CNTNAP5: variants seen among roughly 807,000 people sequenced by gnomAD.
The protein encoded by CNTNAP5 is contactin associated protein family member 5.
A neutral mutation model predicts 150.2 loss-of-function variants in CNTNAP5; 72 were observed. The observed-to-expected ratio is 0.48, with a 90% CI of 0.40 to 0.58. The LOEUF is 0.58. CNTNAP5 is among the 20% of genes least tolerant of loss of function. The probability of loss-of-function intolerance (pLI) is 0.00; values close to 1 mark genes in which losing one functional copy is unlikely to be tolerated. For missense variants in CNTNAP5, 1,636 were observed against 1,626.2 expected, an observed-to-expected ratio of 1.01 and a Z score of -0.10; for synonymous variants, 672 against 619.8, an observed-to-expected ratio of 1.08 and a Z score of -1.25.
chr2:124,118,956 G>A (rs757029426), intron 1 of CNTNAP5, among the ~76,000 whole-genome samples: 1 of 152,126 alleles, frequency 6.6e-6, no homozygotes, highest in Non-Finnish European at 1.5e-5. Context: ...CCTGGGAGGA[G>A]GCAGAGTGTC....
At chr2:124,401,422 A>G (rs1289372225) in intron 3 of CNTNAP5, among the ~76,000 whole-genome samples, 1 of 152,204 alleles carries the variant, frequency 6.6e-6, no homozygotes, top group Non-Finnish European at 1.5e-5. Flanking sequence ...ATCTTCTAGT[A>G]CTAAGTGGCT....
intron 1 of CNTNAP5, among the ~76,000 whole-genome samples, chr2:124,052,786 T>C (rs1681734575): frequency 6.6e-6 from 1 of 152,224 alleles, no homozygotes; most frequent in Non-Finnish European, 1.5e-5. Flanking sequence ...AGCCCTCCTT[T>C]GCAGCTCTGA....
Position 124,791,693 on chromosome 2 carries a change from CTTTT to C in CNTNAP5, c.2992+1568_2992+1571del, listed in dbSNP as rs538796535. 5.8e-3 allele frequency among the ~76,000 whole-genome samples: 670 copies of C among 115,370 alleles called. 8 individuals carry two copies. Among genetic ancestry groups the C allele is most frequent in the African/African-American group, 0.02 (632 of 30,858 alleles). The allele number at this position is 115,370 out of a possible 152,430, so 75.7% of individuals were successfully genotyped here. On this transcript the variant is annotated intron_variant, in intron 18 of 23. Transcript: ENST00000682447. ...TATTGTTCTAAATGTAGCCTAATTT[CTTTT>C]TTTTTTTTTTTTTTTGGCTCCTTTC...
intron 3 of CNTNAP5, among the ~76,000 whole-genome samples, chr2:124,411,357 T>A (rs374671712): frequency 4.0e-4 from 61 of 151,938 alleles, no homozygotes; most frequent in African/African-American, 7.0e-4. Context: ...AAAAAGAGGG[T>A]ATCCTCCCTA....
chr2:124,643,100 A>G (rs1678128418), intron 12 of CNTNAP5, among the ~76,000 whole-genome samples: 1 of 152,174 alleles, frequency 6.6e-6, no homozygotes, highest in Non-Finnish European at 1.5e-5. Context: ...TTTCACTTAG[A>G]TAACTATTAC....
intron 10 of CNTNAP5, among the ~76,000 whole-genome samples, chr2:124,528,732 T>C (rs996548396): frequency 2.0e-5 from 3 of 152,084 alleles, no homozygotes; most frequent in South Asian, 2.1e-4. Flanking sequence ...CCAGTGGGAT[T>C]TGGTTTCATG....
chr2:124,472,731 CTATT>C (rs1693545171), intron 6 of CNTNAP5, among the ~76,000 whole-genome samples: 1 of 151,684 alleles, frequency 6.6e-6, no homozygotes. Flanking sequence ...ATATTATAGT[CTATT>C]AAGTGTGCAA....
At chr2:124,642,345 CA>C (rs1268505054) in intron 12 of CNTNAP5, among the ~76,000 whole-genome samples, 3 of 152,064 alleles carry the variant, frequency 2.0e-5, no homozygotes, top group African/African-American at 7.2e-5. Context: ...GACTTCTTTT[CA>C]GTTTGGACTA....
chr2:124,762,127 A>C (rs1016060120), intron 14 of CNTNAP5, among the ~76,000 whole-genome samples: 2 of 152,122 alleles, frequency 1.3e-5, no homozygotes, highest in African/African-American at 2.4e-5. Context: ...ATTGAAATTC[A>C]TCCCTGTGTC....
intron 1 of CNTNAP5, among the ~76,000 whole-genome samples, chr2:124,142,238 G>C (rs1441429887): frequency 1.1e-3 from 122 of 108,896 alleles, no homozygotes; most frequent in Non-Finnish European, 1.9e-3. Context: ...CAACGAGACA[G>C]AAAGTCAACA....
chr2:124,857,303 A>G (rs1477035792), intron 19 of CNTNAP5, among the ~76,000 whole-genome samples: 3 of 152,286 alleles, frequency 2.0e-5, no homozygotes, highest in East Asian at 3.9e-4. Flanking sequence ...CATATAAGGC[A>G]ATCTCAGATG....
intron 4 of CNTNAP5, among the ~76,000 whole-genome samples, chr2:124,421,068 C>T (rs185409394): frequency 2.0e-5 from 3 of 152,098 alleles, no homozygotes; most frequent in South Asian, 2.1e-4. Flanking sequence ...ATCTCACTTG[C>T]TAATTGGCTA....
At chr2:124,287,168 G>A (rs1688176205) in intron 3 of CNTNAP5, among the ~76,000 whole-genome samples, 1 of 152,180 alleles carries the variant, frequency 6.6e-6, no homozygotes, top group African/African-American at 2.4e-5. Context: ...GCTTACCTGT[G>A]CCAGGCACTG....
At chr2:124,903,784 T>C in intron 22 of CNTNAP5, among the ~76,000 whole-genome samples, 1 of 152,106 alleles carries the variant, frequency 6.6e-6, no homozygotes, top group East Asian at 1.9e-4. Context: ...CCAGGTGTGG[T>C]GGCTTATGCC....
chr2:124,283,377 G>A (rs1295616251), intron 3 of CNTNAP5, among the ~76,000 whole-genome samples: 3 of 152,188 alleles, frequency 2.0e-5, no homozygotes, highest in Non-Finnish European at 4.4e-5. Context: ...CAGCTCAGGG[G>A]CAAAGAGGTG....
intron 4 of CNTNAP5, among the ~76,000 whole-genome samples, chr2:124,423,206 G>T (rs1342738412): frequency 6.6e-6 from 1 of 152,122 alleles, no homozygotes; most frequent in African/African-American, 2.4e-5. Flanking sequence ...TACTAGTGTT[G>T]CTTCAACCAA....
intron 7 of CNTNAP5, among the ~76,000 whole-genome samples, chr2:124,502,200 C>T (rs1316741573): frequency 6.6e-6 from 1 of 152,138 alleles, no homozygotes; most frequent in Non-Finnish European, 1.5e-5. Flanking sequence ...TCCAGGAACT[C>T]CTTAGATTCT....
chr2:124,100,389 C>A (rs1414134972), intron 1 of CNTNAP5, among the ~76,000 whole-genome samples: 1 of 152,134 alleles, frequency 6.6e-6, no homozygotes, highest in Non-Finnish European at 1.5e-5. Flanking sequence ...ATATCACAAA[C>A]CTACTTTGCT....
chr2:124,858,374 A>T lies in CNTNAP5; in HGVS notation c.3218-6932A>T, dbSNP rs781009079. 2.6e-5 allele frequency among the ~76,000 whole-genome samples: 4 copies of T among 152,252 alleles called. No homozygotes were observed. The South Asian group carries it at 8.3e-4, about 31-fold the overall frequency. ...CAGCAAAGTCTCAGGATACAAAATC[A>T]ATGTGCAAAAATCACAAACATTCTT... On this transcript the variant is annotated intron_variant, in intron 19 of 23. Coordinates refer to ENST00000682447, the MANE Select transcript of CNTNAP5 (RefSeq NM_001367498.1).
Sources: allele counts gnomAD v4.1 joint callset (sites outside exome capture counted in the v4.1 genomes callset), GRCh38; gene constraint gnomAD v4.1.1; transcripts MANE v1.5; gene names NCBI Gene and HGNC (gene_info 2026-07-23, HGNC 2026-07-21).